Variants in HS6ST3 observed in about 807,000 individuals in gnomAD.
HS6ST3 encodes the protein heparan-sulfate 6-O-sulfotransferase 3.
A neutral mutation model predicts 36.7 loss-of-function variants in HS6ST3; 12 were observed. That is an observed-to-expected ratio of 0.33 (90% CI 0.21 to 0.53). The LOEUF (loss-of-function observed/expected upper bound fraction) is 0.53, where lower values mean the gene tolerates loss of function less well. Ranked by LOEUF, HS6ST3 falls within the 20% of genes least tolerant of loss-of-function variation. The pLI is 0.95. For missense variants in HS6ST3, 584 were observed against 640.9 expected (o/e 0.91, Z 0.96); for synonymous variants, 240 against 257.5 (o/e 0.93, Z 0.65).
chr13:96,309,119 T>G lies in HS6ST3; in HGVS notation c.707+217550T>G, dbSNP rs930828171. On this transcript the variant is annotated intron_variant, in intron 1 of 1. Transcript: ENST00000376705. ...TTTTCCTCAAATTTTATTCTAATAT[T>G]GTTATAGGTTGTGTACCGGGATCCC... Among the ~76,000 whole-genome samples the G allele has an allele frequency of 4.6e-5, 7 of 152,164 alleles. No homozygotes were observed. In the South Asian group the frequency reaches 1.2e-3, roughly 27 times the overall value.
chr13:96,646,742 T>C (rs1159890764), intron 1 of HS6ST3, among the ~76,000 whole-genome samples: 3 of 151,906 alleles, frequency 2.0e-5, no homozygotes, highest in South Asian at 2.1e-4. Context: ...ATTTCACATA[T>C]GGGCCCTGAG....
At chr13:96,448,450 G>C (rs910376601) in intron 1 of HS6ST3, among the ~76,000 whole-genome samples, 1 of 152,096 alleles carries the variant, frequency 6.6e-6, no homozygotes, top group Non-Finnish European at 1.5e-5. Flanking sequence ...GCTCATCTCA[G>C]TCTACTTCTG....
chr13:96,798,699 T>A (rs1295572102), intron 1 of HS6ST3, among the ~76,000 whole-genome samples: 2 of 152,086 alleles, frequency 1.3e-5, no homozygotes, highest in Non-Finnish European at 2.9e-5. Context: ...AGGGTAAGGA[T>A]AAAAGATTAT....
At chr13:96,767,072 A>C (rs1474038954) in intron 1 of HS6ST3, among the ~76,000 whole-genome samples, 1 of 152,194 alleles carries the variant, frequency 6.6e-6, no homozygotes, top group African/African-American at 2.4e-5. Flanking sequence ...TTAATGAATA[A>C]CTGTTAACTG....
chr13:96,711,154 C>G (rs1176125534), intron 1 of HS6ST3, among the ~76,000 whole-genome samples: 1 of 152,152 alleles, frequency 6.6e-6, no homozygotes, highest in Non-Finnish European at 1.5e-5. Context: ...TTTCTTAGCC[C>G]TGCACCTGCA....
chr13:96,090,623 A>G lies in HS6ST3; in HGVS notation c.-240A>G, dbSNP rs1316231362. 6.9e-6 allele frequency among the ~76,000 whole-genome samples: 1 copy of G among 145,246 alleles called. No individual in the cohort carries two copies. Among genetic ancestry groups the G allele is most frequent in the Non-Finnish European group, 1.5e-5 (1 of 65,542 alleles). On this transcript the variant is annotated 5_prime_UTR_variant, in exon 1 of 2. Coordinates refer to ENST00000376705, the MANE Select transcript of HS6ST3 (RefSeq NM_153456.4). The stretch of plus-strand genomic sequence containing the variant: ...CGCACCCGGGAGCGCAGGGCGCCCC[A>G]CGCCGCAGCCGCAGCCGAGCGCGCC...
chr13:96,428,211 TG>T (rs1315500049), intron 1 of HS6ST3, among the ~76,000 whole-genome samples: 2 of 152,050 alleles, frequency 1.3e-5, no homozygotes, highest in Non-Finnish European at 2.9e-5. Flanking sequence ...TAGCCGGGCA[TG>T]GTGGCACATA....
At chr13:96,751,711 G>C (rs1408841140) in intron 1 of HS6ST3, among the ~76,000 whole-genome samples, 1 of 151,546 alleles carries the variant, frequency 6.6e-6, no homozygotes, top group Non-Finnish European at 1.5e-5. Flanking sequence ...TCGATATTCT[G>C]TTTAAGGAAA....
chr13:96,775,972 G>C (rs1877378476), intron 1 of HS6ST3, among the ~76,000 whole-genome samples: 1 of 152,074 alleles, frequency 6.6e-6, no homozygotes. Context: ...CAAAAGAATG[G>C]AAATCATAAC....
chr13:96,725,359 T>C (rs1875976819), intron 1 of HS6ST3, among the ~76,000 whole-genome samples: 1 of 152,200 alleles, frequency 6.6e-6, no homozygotes, highest in African/African-American at 2.4e-5. Flanking sequence ...AAGAGAAGAA[T>C]TTTTAAATTT....
chr13:96,302,331 A>G (rs1377758378), intron 1 of HS6ST3, among the ~76,000 whole-genome samples: 2 of 152,220 alleles, frequency 1.3e-5, no homozygotes, highest in African/African-American at 4.8e-5. Flanking sequence ...AATTGTATTA[A>G]GGGACTGATT....
At position 96,832,842 on chromosome 13, in the gene HS6ST3, A is replaced by G. The variant is rs1435941989; in HGVS notation, c.1060A>G (p.Thr354Ala). 4 of 1,614,100 alleles carry G rather than the reference A, an allele frequency of 2.5e-6. No homozygotes were observed. Among genetic ancestry groups the G allele is most frequent in the Non-Finnish European group, 3.4e-6 (4 of 1,180,036 alleles). The change falls in exon 2 of 2, where the codon ACT (threonine) becomes GCT (alanine). Residue 354 changes from threonine to alanine, a missense_variant. Thr to Ala is a moderately conservative substitution (Grantham distance 58). This residue lies in a region of HS6ST3 where 360 missense variants were observed against 411.3 expected (regional missense o/e 0.88). Transcript: ENST00000376705. ...NLKNMAFFGL[T>A]EFQRKTQFLF... ...GAAGAACATGGCCTTCTTTGGGCTC[A>G]CTGAGTTCCAGAGGAAGACACAGTT... is the stretch of plus-strand genomic sequence containing the variant.
chr13:96,200,096 T>G (rs2054333843), intron 1 of HS6ST3, among the ~76,000 whole-genome samples: 1 of 152,190 alleles, frequency 6.6e-6, no homozygotes, highest in African/African-American at 2.4e-5. Flanking sequence ...TACGATAAAG[T>G]ATCAGAACTG....
chr13:96,356,528 G>A (rs2055211043), intron 1 of HS6ST3, among the ~76,000 whole-genome samples: 1 of 152,116 alleles, frequency 6.6e-6, no homozygotes, highest in Admixed American at 6.6e-5. Context: ...GAGCTCTTCG[G>A]TGGACTAGGT....
chr13:96,837,082 T>C lies in HS6ST3; in HGVS notation c.*3884T>C, dbSNP rs1878944343. 6.6e-6 allele frequency: 1 copy of C among 152,220 alleles called. No individual in the cohort carries two copies. Among genetic ancestry groups the C allele is most frequent in the Non-Finnish European group, 1.5e-5 (1 of 68,030 alleles). 9.4% of individuals were successfully genotyped at this position (152,220 alleles called of 1,614,324 possible). ...AAAGAAGGCTAGGGAATGTCTTTAT[T>C]ATTGATTGTCATGTGCCTTGATAAG... On this transcript the variant is annotated 3_prime_UTR_variant, in exon 2 of 2. Transcript: ENST00000376705.
intron 1 of HS6ST3, among the ~76,000 whole-genome samples, chr13:96,322,610 C>T (rs2055009902): frequency 6.6e-6 from 1 of 151,446 alleles, no homozygotes; most frequent in Non-Finnish European, 1.5e-5. Flanking sequence ...AAATAAAATG[C>T]AATTTTTTTC....
intron 1 of HS6ST3, among the ~76,000 whole-genome samples, chr13:96,093,988 G>A (rs954237618): frequency 2.6e-5 from 4 of 152,106 alleles, no homozygotes; most frequent in Non-Finnish European, 5.9e-5. Context: ...TGTTGATTTT[G>A]GTTCCCTAGT....
At chr13:96,512,528 A>C (rs191540391) in intron 1 of HS6ST3, among the ~76,000 whole-genome samples, 25 of 152,184 alleles carry the variant, frequency 1.6e-4, no homozygotes, top group Non-Finnish European at 2.9e-4. Context: ...AAGAGTATGA[A>C]GTATCCATCT....
intron 1 of HS6ST3, among the ~76,000 whole-genome samples, chr13:96,682,188 G>A (rs1462064883): frequency 6.6e-6 from 1 of 152,044 alleles, no homozygotes; most frequent in Non-Finnish European, 1.5e-5. Flanking sequence ...TCCATATTCA[G>A]ACCTATATAT....
Sources: gnomAD v4.1 joint callset for allele counts (sites outside exome capture counted in the v4.1 genomes callset) on GRCh38, gnomAD v4.1.1 for gene constraint, gnomAD v4.1.1 regional missense constraint, MANE v1.5 for transcripts, NCBI Gene and HGNC (gene_info 2026-07-23, HGNC 2026-07-21) for gene names.